The following SLC26A5 variants were observed in gnomAD, a reference collection of about 807,000 sequenced individuals.
SLC26A5 encodes the protein solute carrier family 26 member 5.
SLC26A5 carries 51 observed loss-of-function variants against 81.0 expected under a neutral mutation model. That is an observed-to-expected ratio of 0.63 (90% confidence interval 0.50 to 0.80). The LOEUF (loss-of-function observed/expected upper bound fraction) is 0.80. SLC26A5 is among the 30% of genes least tolerant of loss of function. The pLI is 0.00. For synonymous variants in SLC26A5, 325 were observed against 332.8 expected (o/e 0.98, Z 0.25); for missense variants, 771 against 905.8 (o/e 0.85, Z 1.91).
Position 103,360,078 on chromosome 7 carries a change from C to CA in SLC26A5, c.2042-7153dup, listed in dbSNP as rs879838360. On this transcript the variant is annotated intron_variant, in intron 19 of 19. Coordinates refer to the SLC26A5 transcript ENST00000339444. ...CCTGGGCAGCAGTGAGATTCCGTCT[C>CA]AAAAAAAAAAAAAAAGTTTTGTTTA... Among the ~76,000 whole-genome samples, 960 of 105,074 alleles carry CA rather than the reference C, an allele frequency of 9.1e-3. 6 individuals carry two copies. The highest frequency in any genetic ancestry group is 0.024 in the African/African-American group (667 of 28,278). 68.9% of individuals were successfully genotyped at this position (105,074 alleles called of 152,430 possible).
intron 2 of SLC26A5, among the ~76,000 whole-genome samples, chr7:103,437,055 C>G (rs1427898331): frequency 6.6e-6 from 1 of 152,110 alleles, no homozygotes; most frequent in African/African-American, 2.4e-5. Flanking sequence ...TGCTTAATAT[C>G]TAAAATATAT....
At chr7:103,363,690 C>T in intron 19 of SLC26A5, among the ~76,000 whole-genome samples, 1 of 151,972 alleles carries the variant, frequency 6.6e-6, no homozygotes, top group South Asian at 2.1e-4. Context: ...ACAGTGTAAC[C>T]TTTAGCAATA....
intron 19 of SLC26A5, chr7:103,354,925 C>G: frequency 6.2e-7 from 1 of 1,612,304 alleles, no homozygotes; most frequent in Non-Finnish European, 8.5e-7. Flanking sequence ...TCAGCAACTT[C>G]TCAAGAAAAT....
At position 103,390,470 on chromosome 7, in the gene SLC26A5, C is replaced by T. The variant is rs147328805; in HGVS notation, c.1270G>A (p.Val424Ile). Reference protein sequence around the residue: ...GCLASLMILLVILATGFLFES... With the variant: ...GCLASLMILLIILATGFLFES... ...AAGAGGAATCCAGTTGCTAATATGA[C>T]CAGCAGAATCATTAATGAGGCCAAA... The change falls in exon 12 of 20, where the codon GTC (valine) becomes ATC (isoleucine). Residue 424 changes from valine to isoleucine, a missense_variant. Physicochemically the swap from Val to Ile is conservative, Grantham distance 29. Coordinates refer to ENST00000306312, the MANE Select transcript of SLC26A5 (RefSeq NM_198999.3). 6.2e-7 allele frequency: 1 copy of T among 1,614,020 alleles called. No homozygotes were observed. The highest frequency in any genetic ancestry group is 1.3e-5 in the African/African-American group (1 of 74,916).
intron 19 of SLC26A5, among the ~76,000 whole-genome samples, chr7:103,363,983 G>A (rs752992304): frequency 2.6e-5 from 4 of 152,158 alleles, no homozygotes; most frequent in Non-Finnish European, 5.9e-5. Flanking sequence ...TTCTTATTTA[G>A]TTCAAGTATG....
At chr7:103,368,385 T>C in intron 19 of SLC26A5, 1 of 177,604 alleles carries the variant, frequency 5.6e-6, no homozygotes, top group Non-Finnish European at 1.2e-5. Flanking sequence ...CTGAGGAAGA[T>C]TATCAAATGG....
At chr7:103,379,461 T>C (rs1436815150) in intron 15 of SLC26A5, 126 bp from the exon 16 acceptor site, 1 of 508,208 alleles carries the variant, frequency 2.0e-6, no homozygotes, top group African/African-American at 2.4e-5. Context: ...AGGGCTTAGC[T>C]AAAATGATGT....
chr7:103,392,857 G>A (rs1041536324), intron 10 of SLC26A5, 62 bp downstream of exon 10: 39 of 1,603,344 alleles, frequency 2.4e-5, no homozygotes, highest in African/African-American at 5.4e-5. Context: ...GATTACAGGC[G>A]TGAGCCAGAC....
In SLC26A5 at chr7:103,354,617, G is replaced by A. The variant is rs113765673; in HGVS notation, c.2042-1691C>T. ...ATTATTGACCTCAGGTGATCCACCCGCCTCCGCCCCCTAAAGTGCAGGGAT... is the reference window on the plus strand; with the variant it reads ...ATTATTGACCTCAGGTGATCCACCCACCTCCGCCCCCTAAAGTGCAGGGAT... On this transcript the variant is annotated intron_variant, in intron 19 of 19. Coordinates refer to the SLC26A5 transcript ENST00000339444. 6.6e-5 allele frequency among the ~76,000 whole-genome samples: 10 copies of A among 152,024 alleles called. No homozygotes were observed. In the South Asian group the frequency reaches 1.7e-3, roughly 25 times the overall value.
At chr7:103,353,454 G>A (rs1170757979) in intron 19 of SLC26A5, among the ~76,000 whole-genome samples, 1 of 152,076 alleles carries the variant, frequency 6.6e-6, no homozygotes, top group Non-Finnish European at 1.5e-5. Flanking sequence ...CTACAGACAT[G>A]CGCCACCATG....
intron 14 of SLC26A5, among the ~76,000 whole-genome samples, chr7:103,386,477 G>T (rs1041363553): frequency 2.0e-5 from 3 of 151,922 alleles, no homozygotes; most frequent in Admixed American, 6.5e-5. Context: ...TGAGGCAGAA[G>T]ACTTGAACCC....
At chr7:103,379,468 A>T in intron 15 of SLC26A5, 133 bp from the exon 16 acceptor site, 3 of 587,288 alleles carry the variant, frequency 5.1e-6, no homozygotes, top group Non-Finnish European at 9.2e-6. Context: ...AGCTAAAATG[A>T]TGTCACACAC....
At chr7:103,416,482 T>G (rs2965097) in intron 4 of SLC26A5, among the ~76,000 whole-genome samples, 10,461 of 152,304 alleles carry the variant, frequency 0.069, 1,155 homozygotes, top group African/African-American at 0.24. Context: ...TGACATCTCT[T>G]GGTATTTTTA....
At chr7:103,386,167 A>G (rs1027454997) in intron 14 of SLC26A5, among the ~76,000 whole-genome samples, 6 of 151,888 alleles carry the variant, frequency 4.0e-5, no homozygotes, top group African/African-American at 1.5e-4. Flanking sequence ...CTGACCTCAA[A>G]TGATCCGCTT....
intron 1 of SLC26A5, among the ~76,000 whole-genome samples, chr7:103,443,423 A>G (rs894183821): frequency 6.6e-6 from 1 of 152,182 alleles, no homozygotes; most frequent in Non-Finnish European, 1.5e-5. Flanking sequence ...AACTGCTAGG[A>G]TGTGAGAAAG....
At chr7:103,439,512 C>T (rs1289460320) in intron 2 of SLC26A5, among the ~76,000 whole-genome samples, 1 of 151,746 alleles carries the variant, frequency 6.6e-6, no homozygotes, top group African/African-American at 2.4e-5. Context: ...CATGGACTTC[C>T]TTGCTGTCTG....
downstream of SLC26A5, among the ~76,000 whole-genome samples, chr7:103,372,770 T>C (rs1372985596): frequency 6.6e-6 from 1 of 151,946 alleles, no homozygotes; most frequent in African/African-American, 2.4e-5. Context: ...TAAGGACTTA[T>C]ACTGGCCACA....
intron 2 of SLC26A5, among the ~76,000 whole-genome samples, chr7:103,442,389 C>T (rs116366037): frequency 0.011 from 1,633 of 152,248 alleles, 24 homozygotes; most frequent in African/African-American, 0.037. Context: ...ACACCCTCCT[C>T]GGTCTCCCAA....
downstream of SLC26A5, among the ~76,000 whole-genome samples, chr7:103,369,880 G>A (rs763720834): frequency 1.3e-5 from 2 of 152,198 alleles, no homozygotes; most frequent in Non-Finnish European, 2.9e-5. Context: ...TGATGCTTCT[G>A]AGGTTTATCT....
Sources: allele counts gnomAD v4.1 joint callset (sites outside exome capture counted in the v4.1 genomes callset), GRCh38; gene constraint gnomAD v4.1.1; transcripts MANE v1.5; gene names NCBI Gene and HGNC (gene_info 2026-07-23, HGNC 2026-07-21).